COL23A1: variants seen among roughly 807,000 people sequenced by gnomAD.
COL23A1 encodes collagen type XXIII alpha 1 chain.
Under a neutral mutation model 99.3 loss-of-function variants are expected in COL23A1, and 97 were observed. The ratio of observed to expected loss-of-function variants is 0.98; its 90% CI spans 0.83 to 1.16. The LOEUF is 1.16. COL23A1 is among the 50% of genes most tolerant of loss of function. The pLI, the probability that COL23A1 is intolerant of heterozygous loss-of-function variation, is 0.00. For missense variants in COL23A1, 762 were observed against 757.4 expected (o/e 1.01, Z -0.07); for synonymous variants, 320 against 308.2 (o/e 1.04, Z -0.40).
At chr5:178,356,921 T>G (rs1448249393) in intron 2 of COL23A1, among the ~76,000 whole-genome samples, 3 of 151,944 alleles carry the variant, frequency 2.0e-5, no homozygotes, top group Non-Finnish European at 2.9e-5. Flanking sequence ...TGCCCACCTC[T>G]CCAGATAATT....
intron 2 of COL23A1, among the ~76,000 whole-genome samples, chr5:178,423,560 C>A (rs568658324): frequency 7.9e-5 from 12 of 152,188 alleles, no homozygotes; most frequent in Non-Finnish European, 1.8e-4. Flanking sequence ...GCAGTAAATG[C>A]ATCTTCCACC....
rs1040822937 is a variant in COL23A1, at chr5:178,544,645, G to A, written c.361+16037C>T. ...CCGGCCTCTATCCCCACTGTGAGAC[G>A]GGCGGTGCCACAAATGGGAGGTGAC... On this transcript the variant is annotated intron_variant, in intron 2 of 28. Transcript: ENST00000390654. This position sits in a 1 kb window ranked among gnomAD's most constrained non-coding sequence, Gnocchi z 4.4. Among the ~76,000 whole-genome samples the A allele has an allele frequency of 3.9e-5, 6 of 152,186 alleles. No individual in the cohort carries two copies. The highest frequency in any genetic ancestry group is 1.3e-4 in the Admixed American group (2 of 15,280).
At chr5:178,401,358 C>T (rs975947842) in intron 2 of COL23A1, among the ~76,000 whole-genome samples, 1 of 152,220 alleles carries the variant, frequency 6.6e-6, no homozygotes, top group Admixed American at 6.5e-5. Flanking sequence ...GGGATCATCC[C>T]TGTAGTTCTG....
chr5:178,329,602 C>A (rs1337281967), intron 2 of COL23A1, among the ~76,000 whole-genome samples: 1 of 152,212 alleles, frequency 6.6e-6, no homozygotes, highest in Non-Finnish European at 1.5e-5. Context: ...CCTCAAGATT[C>A]TCTCTGGGCC....
intron 2 of COL23A1, among the ~76,000 whole-genome samples, chr5:178,341,002 G>A (rs367582546): frequency 6.6e-6 from 1 of 152,298 alleles, no homozygotes; most frequent in East Asian, 1.9e-4. Context: ...TTATGAAGAT[G>A]GAGGAACTGA....
At chr5:178,559,451 C>T (rs1342837266) in intron 2 of COL23A1, among the ~76,000 whole-genome samples, 2 of 151,282 alleles carry the variant, frequency 1.3e-5, no homozygotes, top group Non-Finnish European at 3.0e-5. Context: ...GCCACCTTTC[C>T]CTGCACGTCG....
intron 1 of COL23A1, among the ~76,000 whole-genome samples, chr5:178,571,844 C>T (rs564962114): frequency 2.0e-5 from 3 of 152,130 alleles, no homozygotes; most frequent in East Asian, 3.9e-4. Context: ...CCGAGGCGGG[C>T]GGATCACAAG....
At chr5:178,586,098 G>A (rs180902114) in intron 1 of COL23A1, among the ~76,000 whole-genome samples, 19 of 152,340 alleles carry the variant, frequency 1.2e-4, no homozygotes, top group Admixed American at 1.0e-3. Flanking sequence ...CATGAGGAAA[G>A]GACAAGAGAA....
At chr5:178,254,862 A>C in intron 16 of COL23A1, 87 bp downstream of exon 16, 1 of 1,197,492 alleles carries the variant, frequency 8.4e-7, no homozygotes, top group Non-Finnish European at 1.2e-6. Context: ...TTGTGTAAAA[A>C]AGTGCAGGAT....
intron 2 of COL23A1, among the ~76,000 whole-genome samples, chr5:178,535,985 G>A (rs1581587190): frequency 6.6e-6 from 1 of 152,256 alleles, no homozygotes; most frequent in East Asian, 1.9e-4. Flanking sequence ...GACCCATCAG[G>A]GCAAGGGCCA....
chr5:178,416,094 C>T (rs1328971077), intron 2 of COL23A1, among the ~76,000 whole-genome samples: 1 of 152,132 alleles, frequency 6.6e-6, no homozygotes, highest in African/African-American at 2.4e-5. Flanking sequence ...CCCTCCCATT[C>T]ATTCATTCAT....
At chr5:178,311,499 TGTGTGTGCGC>T (rs1223421869) in intron 2 of COL23A1, among the ~76,000 whole-genome samples, 77 of 9,976 alleles carry the variant, frequency 7.7e-3, no homozygotes, top group African/African-American at 0.033. Flanking sequence ...TGTGTGTGTG[TGTGTGTGCGC>T]GTGTGTGTGT....
At chr5:178,359,374 A>G (rs1762054453) in intron 2 of COL23A1, among the ~76,000 whole-genome samples, 2 of 152,158 alleles carry the variant, frequency 1.3e-5, no homozygotes, top group African/African-American at 4.8e-5. Context: ...AAAACACACA[A>G]AAAATTAGCT....
chr5:178,292,812 C>T (rs1757533098), intron 3 of COL23A1, among the ~76,000 whole-genome samples: 1 of 152,128 alleles, frequency 6.6e-6, no homozygotes, highest in Admixed American at 6.6e-5. Flanking sequence ...GTGGGGCAGG[C>T]TTGGCTGAAG....
intron 3 of COL23A1, among the ~76,000 whole-genome samples, chr5:178,298,732 A>G (rs1757878788): frequency 6.6e-6 from 1 of 152,016 alleles, no homozygotes; most frequent in Non-Finnish European, 1.5e-5. Context: ...AAAGACAACA[A>G]CCTTCAGGGA....
chr5:178,343,838 T>C (rs1238128168), intron 2 of COL23A1, among the ~76,000 whole-genome samples: 1 of 152,036 alleles, frequency 6.6e-6, no homozygotes, highest in Non-Finnish European at 1.5e-5. Context: ...AATTTTTATA[T>C]TTTTAGTAGA....
chr5:178,322,995 T>C (rs1248381670), intron 2 of COL23A1, among the ~76,000 whole-genome samples: 1 of 152,116 alleles, frequency 6.6e-6, no homozygotes, highest in Non-Finnish European at 1.5e-5. Flanking sequence ...GGGCCCTTCC[T>C]GGTGTCTGGA....
chr5:178,312,365 C>A (rs1268236901), intron 2 of COL23A1, among the ~76,000 whole-genome samples: 1 of 152,192 alleles, frequency 6.6e-6, no homozygotes, highest in African/African-American at 2.4e-5. Context: ...GCAGCATCAG[C>A]ACAGTAAACA....
Position 178,263,258 on chromosome 5 carries a change from G to A in COL23A1, c.589C>T (p.Pro197Ser), listed in dbSNP as rs1399260474. Residue 197 changes from proline to serine, a missense_variant, in exon 9 of 29, where the codon CCT (proline) becomes TCT (serine). Coordinates refer to ENST00000390654, the MANE Select transcript of COL23A1 (RefSeq NM_173465.4). Reference sequence around the variant, plus strand: ...CCATCTTTCCCAGTGTCGCCAGGAGGGCCCCGGGCCCCAGGAGGTCCAGGG... The same window carrying A: ...CCATCTTTCCCAGTGTCGCCAGGAGAGCCCCGGGCCCCAGGAGGTCCAGGG... ...GPPGPPGARG[P>S]PGDTGKDGPR... 6.2e-7 allele frequency: 1 copy of A among 1,613,184 alleles called. No homozygotes were observed. Among genetic ancestry groups the A allele is most frequent in the Admixed American group, 1.7e-5 (1 of 59,962 alleles).
Sources: allele counts gnomAD v4.1 joint callset (sites outside exome capture counted in the v4.1 genomes callset), GRCh38; gene constraint gnomAD v4.1.1; non-coding constraint Gnocchi (gnomAD v3.1); transcripts MANE v1.5; gene names NCBI Gene and HGNC (gene_info 2026-07-23, HGNC 2026-07-21).